Variants in PPP2R3B observed in about 807,000 individuals in gnomAD.
PPP2R3B encodes serine/threonine-protein phosphatase 2A regulatory subunit B'' subunit beta.
Under a neutral mutation model 72.9 loss-of-function variants are expected in PPP2R3B, and 68 were observed. The observed-to-expected ratio is 0.93, with a 90% CI of 0.77 to 1.14. The LOEUF (loss-of-function observed/expected upper bound fraction) is 1.14. Among genes scored for constraint, PPP2R3B ranks in the 50% most tolerant of loss-of-function variants. PPP2R3B has a pLI of 0.00. For missense variants in PPP2R3B, 1,018 were observed against 842.0 expected, an observed-to-expected ratio of 1.21 and a Z score of -2.59; for synonymous variants, 466 against 375.8, an observed-to-expected ratio of 1.24 and a Z score of -2.78.
Position 386,431 on chromosome X carries a change from GGCGCCCAGGGGCA to G in PPP2R3B, c.248_260del (p.Leu83ProfsTer22), listed in dbSNP as rs2072251695. ...GGGGCGCGTTCCTGGGGCTGGAGGC[GGCGCCCAGGGGCA>G]GCGCAGGGCCCGGCCCGGGGGTTCC... is the stretch of plus-strand genomic sequence containing the variant. On this transcript the variant is annotated frameshift_variant, in exon 1 of 13. Coordinates refer to ENST00000390665, the MANE Select transcript of PPP2R3B (RefSeq NM_013239.5). LOFTEE classifies it high-confidence loss of function. 2 of 1,317,596 alleles carry G rather than the reference GGCGCCCAGGGGCA, an allele frequency of 1.5e-6. No individual in the cohort carries two copies. The highest frequency in any genetic ancestry group is 1.9e-6 in the Non-Finnish European group (2 of 1,028,786). The allele number at this position is 1,317,596 out of a possible 1,614,324, so 81.6% of individuals were successfully genotyped here. A position where few individuals can be genotyped will look rare whatever the true frequency, so the allele number is the denominator to read the frequency against.
At chrX:342,116 G>C in intron 7 of PPP2R3B, 185 bp from the exon 8 acceptor site, 1 of 678,888 alleles carries the variant, frequency 1.5e-6, no homozygotes, top group East Asian at 2.6e-5. Context: ...CTTTCCCGTC[G>C]AGCAGAGCCA....
chrX:347,688 G>C lies in PPP2R3B; in HGVS notation c.516C>G (p.Cys172Trp). Residue 172 changes from cysteine (C) to tryptophan (W), a missense_variant, in exon 3 of 13, where the codon TGC (cysteine) becomes TGG (tryptophan). Transcript: ENST00000390665. ...MDDMGLVAKA[C>W]GCPLYWKGPL... is the part of the protein sequence containing the mutation. ...GCCCCTTCCAGTAGAGGGGGCAGCCGCAGGCCTGGGGCAGAGAGGGCAGGA... is the reference window on the plus strand; with the variant it reads ...GCCCCTTCCAGTAGAGGGGGCAGCCCCAGGCCTGGGGCAGAGAGGGCAGGA... 6.5e-7 allele frequency: 1 copy of C among 1,536,472 alleles called. No homozygotes were observed. The highest frequency in any genetic ancestry group is 1.4e-5 in the African/African-American group (1 of 72,216).
chrX:383,620 G>A (rs1449455471), intron 1 of PPP2R3B, among the ~76,000 whole-genome samples: 16 of 151,302 alleles, frequency 1.1e-4, no homozygotes, highest in African/African-American at 3.6e-4. Flanking sequence ...GGCGGATCAC[G>A]AGGTCAGGAG....
At chrX:386,072 ACT>A (rs1466591486) in intron 1 of PPP2R3B, among the ~76,000 whole-genome samples, 1 of 152,178 alleles carries the variant, frequency 6.6e-6, no homozygotes, top group South Asian at 2.1e-4. Flanking sequence ...ACAGAGCAAA[ACT>A]CTGTCTCAAA....
At position 382,932 on chromosome X, in the gene PPP2R3B, C is replaced by A. The variant is rs779350195; in HGVS notation, c.324+3436G>T. Among the ~76,000 whole-genome samples the A allele has an allele frequency of 8.2e-4, 125 of 152,244 alleles. 1 individual carries two copies. The highest frequency in any genetic ancestry group is 3.0e-3 in the African/African-American group (124 of 41,558). ...TGGAGGGGAACCATCATTACTAGCA[C>A]ATGCTTCTTGAGTCCTGGCCCTCCT... On this transcript the variant is annotated intron_variant, in intron 1 of 12. Transcript: ENST00000390665.
chrX:350,315 C>T (rs191830634), intron 2 of PPP2R3B, among the ~76,000 whole-genome samples: 2,997 of 152,300 alleles, frequency 0.02, 40 homozygotes, highest in Non-Finnish European at 0.029. Flanking sequence ...GGACGCTGCA[C>T]GGCTCTGCCG....
At chrX:370,419 G>A (rs1033268090) in intron 1 of PPP2R3B, among the ~76,000 whole-genome samples, 1 of 152,144 alleles carries the variant, frequency 6.6e-6, no homozygotes, top group Admixed American at 6.5e-5. Flanking sequence ...CGGCTGCAGC[G>A]AGGCGTGAGT....
At chrX:338,246 C>T (rs1036033559) in intron 12 of PPP2R3B, 39 of 436,512 alleles carry the variant, frequency 8.9e-5, no homozygotes, top group African/African-American at 2.0e-4. Context: ...GGAATGGCCA[C>T]GGGCCCTGCA....
chrX:368,708 G>A (rs1343772452), intron 1 of PPP2R3B, among the ~76,000 whole-genome samples: 1 of 89,970 alleles, frequency 1.1e-5, no homozygotes, highest in Non-Finnish European at 2.2e-5. Context: ...GGGCACCGAC[G>A]GGGGGAAGGC....
At chrX:376,517 A>G (rs372753690) in intron 1 of PPP2R3B, among the ~76,000 whole-genome samples, 30,873 of 132,502 alleles carry the variant, frequency 0.23, 3,502 homozygotes, top group Non-Finnish European at 0.28. Flanking sequence ...ACACTACTGT[A>G]TGCAGGGACG....
rs769601084 is a variant in PPP2R3B, at chrX:367,402, G to T, written c.325-5812C>A. The stretch of plus-strand genomic sequence containing the variant: ...GGAGGAAAAGATACTGATTAATATT[G>T]GGCTTTGAAAAATTTAGTCGACGTT... On this transcript the variant is annotated intron_variant, in intron 1 of 12. Coordinates refer to ENST00000390665, the MANE Select transcript of PPP2R3B (RefSeq NM_013239.5). Among the ~76,000 whole-genome samples the T allele has an allele frequency of 2.6e-5, 4 of 151,028 alleles. No homozygotes were observed. The South Asian group carries it at 8.3e-4, about 32-fold the overall frequency.
chrX:344,695 C>A (rs777543249), intron 7 of PPP2R3B, among the ~76,000 whole-genome samples: 12 of 152,312 alleles, frequency 7.9e-5, no homozygotes, highest in African/African-American at 2.6e-4. Context: ...AGTTAGGGGC[C>A]CAGGGCGCAG....
chrX:363,227 C>T (rs1057385561), intron 1 of PPP2R3B, among the ~76,000 whole-genome samples: 10 of 152,126 alleles, frequency 6.6e-5, no homozygotes, highest in East Asian at 5.8e-4. Context: ...CCCGAGCCCG[C>T]GATCCCACAG....
intron 2 of PPP2R3B, among the ~76,000 whole-genome samples, chrX:360,687 G>A (rs1274126584): frequency 2.6e-5 from 4 of 152,168 alleles, no homozygotes; most frequent in African/African-American, 7.2e-5. Flanking sequence ...GGAGGGGTGG[G>A]AGCATCCACT....
Position 386,816 on chromosome X carries a change from A to G in PPP2R3B, c.-125T>C. On this transcript the variant is annotated 5_prime_UTR_variant, in exon 1 of 13. Coordinates refer to ENST00000390665, the MANE Select transcript of PPP2R3B (RefSeq NM_013239.5). ...CCGCTGAGGGGGCGCGGCGCAGGGA[A>G]CAGGGCCCGCGCCTCGGGAACTGCG... 2.2e-6 allele frequency: 1 copy of G among 454,886 alleles called. No individual in the cohort carries two copies. Among genetic ancestry groups the G allele is most frequent in the Admixed American group, 5.3e-5 (1 of 18,790 alleles). 28.2% of individuals were successfully genotyped at this position (454,886 alleles called of 1,614,324 possible).
intron 2 of PPP2R3B, among the ~76,000 whole-genome samples, chrX:352,259 G>A (rs1382481422): frequency 2.6e-5 from 4 of 152,188 alleles, no homozygotes; most frequent in Admixed American, 2.0e-4. Flanking sequence ...TTTCGTGATC[G>A]ACACACAGAA....
In PPP2R3B at chrX:345,479, G is replaced by C. The variant is rs117050855; in HGVS notation, c.1036+37C>G. The C allele has an allele frequency of 0.011, 17,820 of 1,610,610 alleles. 1,728 individuals carry two copies. In the African/African-American group the frequency reaches 0.21, roughly 19 times the overall value. ...GCCCTGAGAGAAGGGTGTGCTCGGTGTCCGCGCGGCCCGCCCGCCCCTGTG... is the reference window on the plus strand; with the variant it reads ...GCCCTGAGAGAAGGGTGTGCTCGGTCTCCGCGCGGCCCGCCCGCCCCTGTG... On this transcript the variant is annotated intron_variant, in intron 7 of 12. Transcript: ENST00000390665.
In PPP2R3B at chrX:342,316, G is replaced by A. The variant is rs1442890879; in HGVS notation, c.1037-385C>T. ...AGACGGGAGTGAGACCTCAGCAACG[G>A]GAGGCGGGAGTGAGACCTCAGCAAC... On this transcript the variant is annotated intron_variant, in intron 7 of 12. Coordinates refer to ENST00000390665, the MANE Select transcript of PPP2R3B (RefSeq NM_013239.5). 2.4e-5 allele frequency: 7 copies of A among 292,856 alleles called. No individual in the cohort carries two copies. In the East Asian group the frequency reaches 3.5e-4, roughly 15 times the overall value. The allele number at this position is 292,856 out of a possible 1,614,324, so 18.1% of individuals were successfully genotyped here.
In PPP2R3B at chrX:386,471, G is replaced by A. The variant is rs781710604; in HGVS notation, c.221C>T (p.Pro74Leu). ...CGCAGGGCCCGGCCCGGGGGTTCCC[G>A]GGGGTTCGAGCCCGCTGGGCCGGGG... is the stretch of plus-strand genomic sequence containing the variant. Reference protein sequence around the residue: ...AAPRPSGLEPPGTPGPGPALP... With the variant: ...AAPRPSGLEPLGTPGPGPALP... Residue 74 changes from proline (P) to leucine (L), a missense_variant, in exon 1 of 13, where the codon CCG becomes CTG. Transcript: ENST00000390665. 1.1e-4 allele frequency: 137 copies of A among 1,285,786 alleles called. No individual in the cohort carries two copies. The highest frequency in any genetic ancestry group is 1.3e-4 in the Non-Finnish European group (128 of 1,014,408). 79.6% of individuals were successfully genotyped at this position (1,285,786 alleles called of 1,614,324 possible).
Sources: gnomAD v4.1 joint callset for allele counts (sites outside exome capture counted in the v4.1 genomes callset) on GRCh38, gnomAD v4.1.1 for gene constraint, MANE v1.5 for transcripts, NCBI Gene and HGNC (gene_info 2026-07-23, HGNC 2026-07-21) for gene names.